PCSK6: variants seen among roughly 807,000 people sequenced by gnomAD.
PCSK6 encodes the protein paired basic amino acid cleaving enzyme 4.
Under a neutral mutation model 123.3 loss-of-function variants are expected in PCSK6, and 85 were observed. The ratio of observed to expected loss-of-function variants is 0.69; its 90% CI spans 0.58 to 0.83. The LOEUF (loss-of-function observed/expected upper bound fraction) is 0.83, where lower values mean the gene tolerates loss of function less well. Among genes scored for constraint, PCSK6 ranks in the 40% least tolerant of loss-of-function variants. PCSK6 has a pLI of 0.00. For synonymous variants in PCSK6, 508 were observed against 516.0 expected (o/e 0.98, Z 0.21); for missense variants, 1,191 against 1,282.3 (o/e 0.93, Z 1.09).
chr15:101,407,936 AG>A (rs2042827872), intron 6 of PCSK6, among the ~76,000 whole-genome samples: 1 of 152,252 alleles, frequency 6.6e-6, no homozygotes, highest in Admixed American at 6.5e-5. Flanking sequence ...GATTCTTCAA[AG>A]AACAATACAA....
chr15:101,418,140 T>C (rs1286024436), intron 6 of PCSK6, among the ~76,000 whole-genome samples: 2 of 152,150 alleles, frequency 1.3e-5, no homozygotes, highest in African/African-American at 4.8e-5. Context: ...TCTAGGAAGA[T>C]TTAATTACAA....
chr15:101,370,281 G>T, intron 12 of PCSK6, 54 bp downstream of exon 12: 1 of 1,396,688 alleles, frequency 7.2e-7, no homozygotes, highest in Non-Finnish European at 9.5e-7. Flanking sequence ...AAGCTCTTGT[G>T]CAGGGTCAAT....
intron 11 of PCSK6, among the ~76,000 whole-genome samples, chr15:101,379,971 A>G (rs2041868295): frequency 6.6e-6 from 1 of 152,050 alleles, no homozygotes; most frequent in Non-Finnish European, 1.5e-5. Context: ...TGCAACAACC[A>G]CGTTACAGAG....
intron 1 of PCSK6, among the ~76,000 whole-genome samples, chr15:101,472,362 C>T (rs1233090885): frequency 1.3e-5 from 2 of 152,270 alleles, no homozygotes; most frequent in African/African-American, 2.4e-5. Flanking sequence ...TGCTCCCTTC[C>T]GGCTCTGTCC....
intron 2 of PCSK6, among the ~76,000 whole-genome samples, chr15:101,440,805 C>T (rs1414405293): frequency 6.6e-6 from 1 of 152,196 alleles, no homozygotes; most frequent in Non-Finnish European, 1.5e-5. Context: ...TTCCATAAAA[C>T]AGCTAATTTC....
chr15:101,364,114 T>C (rs1331019792), intron 13 of PCSK6, among the ~76,000 whole-genome samples: 2 of 152,102 alleles, frequency 1.3e-5, no homozygotes, highest in South Asian at 2.1e-4. Flanking sequence ...TTTTTTTAAT[T>C]TTGCTTTTGG....
intron 6 of PCSK6, among the ~76,000 whole-genome samples, chr15:101,416,225 A>T (rs2055882438): frequency 6.6e-6 from 1 of 152,234 alleles, no homozygotes; most frequent in Admixed American, 6.5e-5. Flanking sequence ...ACTCATTGGG[A>T]ACTGGAGCAA....
intron 6 of PCSK6, among the ~76,000 whole-genome samples, chr15:101,418,564 G>T (rs1326266458): frequency 2.0e-5 from 3 of 148,590 alleles, no homozygotes; most frequent in African/African-American, 7.5e-5. Context: ...CAGGGCTGCA[G>T]TGCAGTGGTG....
Position 101,489,169 on chromosome 15 carries a change from C to A in PCSK6, c.297+205G>T, listed in dbSNP as rs1168777958. Among the ~76,000 whole-genome samples, 35 of 129,950 alleles carry A rather than the reference C, an allele frequency of 2.7e-4. 2 individuals are homozygous for A. The highest frequency in any genetic ancestry group is 9.3e-4 in the African/African-American group (33 of 35,430). The allele number at this position is 129,950 out of a possible 152,430, so 85.3% of individuals were successfully genotyped here. ...CACGCGGGACCCCAGTCCCCCCCAC[C>A]CCGCCGAGTGTCCCGCGCGCGCCCC... is the stretch of plus-strand genomic sequence containing the variant. On this transcript the variant is annotated intron_variant, in intron 1 of 21. Transcript: ENST00000611716.
At chr15:101,430,905 G>C (rs1305674162) in intron 4 of PCSK6, among the ~76,000 whole-genome samples, 1 of 152,224 alleles carries the variant, frequency 6.6e-6, no homozygotes, top group Non-Finnish European at 1.5e-5. Context: ...GCACAGAGAA[G>C]TTAAGTAACT....
At chr15:101,425,437 T>A (rs2056223800) in intron 6 of PCSK6, among the ~76,000 whole-genome samples, 1 of 152,224 alleles carries the variant, frequency 6.6e-6, no homozygotes, top group Non-Finnish European at 1.5e-5. Context: ...CCCTGGGATG[T>A]CCCTGGAGCT....
At chr15:101,413,627 C>G (rs546321151) in intron 6 of PCSK6, among the ~76,000 whole-genome samples, 60 of 149,908 alleles carry the variant, frequency 4.0e-4, no homozygotes, top group African/African-American at 1.4e-3. Flanking sequence ...CCACGTTTGA[C>G]AGCAGACCGG....
chr15:101,463,329 C>A (rs556008598), intron 1 of PCSK6, among the ~76,000 whole-genome samples: 1 of 152,116 alleles, frequency 6.6e-6, no homozygotes, highest in Non-Finnish European at 1.5e-5. Context: ...TGTTTCTCCC[C>A]GAATATCACT....
chr15:101,415,891 G>A (rs1227208830), intron 6 of PCSK6, among the ~76,000 whole-genome samples: 2 of 152,216 alleles, frequency 1.3e-5, no homozygotes, highest in African/African-American at 4.8e-5. Flanking sequence ...GGCCTTCCCA[G>A]CCACGTGGAA....
At chr15:101,310,127 C>T (rs545356813) in intron 20 of PCSK6, among the ~76,000 whole-genome samples, 11 of 152,032 alleles carry the variant, frequency 7.2e-5, no homozygotes, top group African/African-American at 2.4e-4. Context: ...GGGGAGAGAC[C>T]CCGCAGAACC....
intron 1 of PCSK6, among the ~76,000 whole-genome samples, chr15:101,450,002 G>C (rs565570239): frequency 6.6e-6 from 1 of 151,944 alleles, no homozygotes; most frequent in Non-Finnish European, 1.5e-5. Context: ...CTTCCACCAC[G>C]CCAGAGCAGC....
At chr15:101,347,245 T>C (rs1341195878) in intron 13 of PCSK6, 25 of 1,232,406 alleles carry the variant, frequency 2.0e-5, no homozygotes, top group Non-Finnish European at 2.5e-5. Flanking sequence ...CGAACACAGA[T>C]TGCAAAATCT....
At position 101,398,409 on chromosome 15, in the gene PCSK6, T is replaced by C; in HGVS notation, c.991A>G (p.Lys331Glu). Residue 331 changes from lysine to glutamate, a missense_variant, in exon 7 of 22, where the codon AAA becomes GAA. By Grantham distance (56) the Lys-to-Glu change is moderately conservative. Transcript: ENST00000611716. The surrounding 1 kb of genome is among the most constrained non-coding windows in gnomAD (Gnocchi z 4.6). ...GTAGCCCTGGTTACTCACACCTTTT[T>C]AATGCCATACTCGAAAGCCTGCTTA... ...LAKQAFEYGIKKGRQGLGSIF... is the reference protein window; with the variant it reads ...LAKQAFEYGIEKGRQGLGSIF... 6.2e-7 allele frequency: 1 copy of C among 1,608,470 alleles called. No homozygotes were observed. Among genetic ancestry groups the C allele is most frequent in the Non-Finnish European group, 8.5e-7 (1 of 1,175,776 alleles).
chr15:101,313,626 C>T, intron 19 of PCSK6, 121 bp from the exon 20 acceptor site: 1 of 1,427,882 alleles, frequency 7.0e-7, no homozygotes, highest in South Asian at 1.4e-5. Flanking sequence ...GCCACCACCA[C>T]AGCTGCCATT....
Sources: gnomAD v4.1 joint callset for allele counts (sites outside exome capture counted in the v4.1 genomes callset) on GRCh38, gnomAD v4.1.1 for gene constraint, Gnocchi (gnomAD v3.1) non-coding constraint, MANE v1.5 for transcripts, NCBI Gene and HGNC (gene_info 2026-07-23, HGNC 2026-07-21) for gene names.